The following KCNH7 variants were observed in gnomAD, a reference collection of about 807,000 sequenced individuals.
KCNH7 encodes potassium voltage-gated channel subfamily H member 7.
Under a neutral mutation model 120.8 loss-of-function variants are expected in KCNH7, and 49 were observed. That is an observed-to-expected ratio of 0.41 (90% CI 0.32 to 0.51). The LOEUF is 0.51. Ranked by LOEUF, KCNH7 falls within the 20% of genes least tolerant of loss-of-function variation. The pLI, the probability that KCNH7 is intolerant of heterozygous loss-of-function variation, is 0.38. For synonymous variants in KCNH7, 547 were observed against 516.1 expected (o/e 1.06, Z -0.81); for missense variants, 1,097 against 1,446.6 (o/e 0.76, Z 3.92).
chr2:162,766,792 T>C (rs1038070114), intron 2 of KCNH7, among the ~76,000 whole-genome samples: 1 of 151,528 alleles, frequency 6.6e-6, no homozygotes, highest in Non-Finnish European at 1.5e-5. Context: ...CTGAGCTACT[T>C]CTCCAGAGAA....
chr2:162,646,403 C>T (rs926185810), intron 2 of KCNH7, among the ~76,000 whole-genome samples: 2 of 152,126 alleles, frequency 1.3e-5, no homozygotes, highest in African/African-American at 4.8e-5. Flanking sequence ...CATTTGTTTC[C>T]ACTCCACACT....
At chr2:162,384,556 C>T (rs775313966) in intron 13 of KCNH7, 132 bp downstream of exon 13, 30 of 894,514 alleles carry the variant, frequency 3.4e-5, no homozygotes, top group African/African-American at 1.2e-4. Flanking sequence ...GAAATCTGAA[C>T]GCTTCGCGAA....
chr2:162,517,066 A>T (rs6736115), intron 4 of KCNH7, among the ~76,000 whole-genome samples: 31,815 of 151,612 alleles, frequency 0.21, 6,310 homozygotes, highest in African/African-American at 0.52. Flanking sequence ...CATGATAAAT[A>T]GTTTCTGCCA....
At chr2:162,457,585 T>A (rs1689011314) in intron 6 of KCNH7, among the ~76,000 whole-genome samples, 1 of 152,196 alleles carries the variant, frequency 6.6e-6, no homozygotes, top group Non-Finnish European at 1.5e-5. Flanking sequence ...GTGAAAATTT[T>A]GTGCGAACAC....
At chr2:162,688,229 G>T (rs1456054234) in intron 2 of KCNH7, among the ~76,000 whole-genome samples, 1 of 152,114 alleles carries the variant, frequency 6.6e-6, no homozygotes, top group Non-Finnish European at 1.5e-5. Context: ...TGTAGATATA[G>T]CTACCTCAGG....
intron 2 of KCNH7, among the ~76,000 whole-genome samples, chr2:162,807,529 T>A: frequency 6.6e-6 from 1 of 152,050 alleles, no homozygotes; most frequent in South Asian, 2.1e-4. Context: ...CTGATACAAG[T>A]TTGTGGCTTT....
chr2:162,541,043 C>T lies in KCNH7; in HGVS notation c.308-3963G>A, dbSNP rs548492824. Among the ~76,000 whole-genome samples, 13 of 152,112 alleles carry T rather than the reference C, an allele frequency of 8.5e-5. No individual in the cohort carries two copies. The South Asian group carries it at 1.9e-3, about 22-fold the overall frequency. ...GTTGACAACAAATTTGGTAGCAGAACCATTTATTAAAATGGGGAAGACTGT... is the reference window on the plus strand; with the variant it reads ...GTTGACAACAAATTTGGTAGCAGAATCATTTATTAAAATGGGGAAGACTGT... On this transcript the variant is annotated intron_variant, in intron 2 of 15. Coordinates refer to ENST00000332142, the MANE Select transcript of KCNH7 (RefSeq NM_033272.4).
Position 162,517,980 on chromosome 2 carries a change from A to T in KCNH7, c.642T>A (p.Asp214Glu). 1 of 1,612,504 alleles carries T rather than the reference A, an allele frequency of 6.2e-7. No individual in the cohort carries two copies. Among genetic ancestry groups the T allele is most frequent in the Non-Finnish European group, 8.5e-7 (1 of 1,178,924 alleles). The change falls in exon 4 of 16, where the codon GAT becomes GAA. Residue 214 changes from aspartate (D) to glutamate (E), a missense_variant. Around this residue, in one of 8 missense-constraint regions of KCNH7, gnomAD observed 362 missense variants for 372.2 expected, o/e 0.97. Transcript: ENST00000332142. The part of the protein sequence containing the change: ...TKESCSPSEA[D>E]DTKALIQPSK... Reference sequence around the variant, plus strand: ...TGGGCTGTATCAAAGCTTTTGTGTCATCTGCTTCAGAGGGGCTGCAGCTTT... The same window carrying T: ...TGGGCTGTATCAAAGCTTTTGTGTCTTCTGCTTCAGAGGGGCTGCAGCTTT...
At chr2:162,828,710 G>A (rs149280649) in intron 2 of KCNH7, among the ~76,000 whole-genome samples, 19 of 152,220 alleles carry the variant, frequency 1.2e-4, no homozygotes, top group African/African-American at 3.9e-4. Flanking sequence ...GTAAGCAAAA[G>A]CCACGTGGCT....
chr2:162,621,252 C>CT (rs35494887), intron 2 of KCNH7, among the ~76,000 whole-genome samples: 4,084 of 51,584 alleles, frequency 0.079, 631 homozygotes, highest in African/African-American at 0.1. Context: ...GTATCATCAT[C>CT]TTTTTTTTTT....
chr2:162,579,374 G>C (rs1162650991), intron 2 of KCNH7, among the ~76,000 whole-genome samples: 1 of 152,094 alleles, frequency 6.6e-6, no homozygotes, highest in East Asian at 1.9e-4. Context: ...TGTAGAGGGA[G>C]ATGCAGCACA....
chr2:162,710,563 C>T (rs941458682), intron 2 of KCNH7, among the ~76,000 whole-genome samples: 3 of 152,122 alleles, frequency 2.0e-5, no homozygotes, highest in Non-Finnish European at 2.9e-5. Context: ...GGAGAAGACA[C>T]ATTCTAATTT....
intron 2 of KCNH7, among the ~76,000 whole-genome samples, chr2:162,811,625 C>G (rs528337551): frequency 6.6e-5 from 10 of 152,180 alleles, no homozygotes; most frequent in African/African-American, 2.4e-4. Context: ...TAGGGCTATT[C>G]TCAATGAGTT....
intron 2 of KCNH7, among the ~76,000 whole-genome samples, chr2:162,563,887 G>T (rs1346167608): frequency 6.6e-6 from 1 of 152,076 alleles, no homozygotes; most frequent in Non-Finnish European, 1.5e-5. Flanking sequence ...GTACAGCAAT[G>T]ATTTATTGTG....
At chr2:162,779,074 A>G (rs1180616877) in intron 2 of KCNH7, among the ~76,000 whole-genome samples, 2 of 150,200 alleles carry the variant, frequency 1.3e-5, no homozygotes, top group African/African-American at 4.9e-5. Context: ...ATTCAGTTTA[A>G]TTTGTTTTGT....
intron 2 of KCNH7, among the ~76,000 whole-genome samples, chr2:162,752,932 AG>A (rs1688625788): frequency 8.0e-5 from 7 of 87,224 alleles, no homozygotes; most frequent in South Asian, 7.1e-4. Context: ...AGAAAAGAAA[AG>A]AAAAGAAAAG....
chr2:162,462,053 T>C (rs1036989570), intron 6 of KCNH7, among the ~76,000 whole-genome samples: 5 of 152,132 alleles, frequency 3.3e-5, no homozygotes, highest in African/African-American at 1.2e-4. Flanking sequence ...ATAAGATTCA[T>C]ATAGGAGATC....
At chr2:162,407,627 A>G (rs2105458218) in intron 9 of KCNH7, among the ~76,000 whole-genome samples, 1 of 152,106 alleles carries the variant, frequency 6.6e-6, no homozygotes, top group Non-Finnish European at 1.5e-5. Flanking sequence ...CTTGGAACCC[A>G]TTAAGGTTTC....
chr2:162,754,439 G>A (rs1309849425), intron 2 of KCNH7, among the ~76,000 whole-genome samples: 1 of 152,076 alleles, frequency 6.6e-6, no homozygotes, highest in African/African-American at 2.4e-5. Flanking sequence ...TAATGAATGA[G>A]CCAGCAAAAG....
Sources: gnomAD v4.1 joint callset for allele counts (sites outside exome capture counted in the v4.1 genomes callset) on GRCh38, gnomAD v4.1.1 for gene constraint, gnomAD v4.1.1 regional missense constraint, MANE v1.5 for transcripts, NCBI Gene and HGNC (gene_info 2026-07-23, HGNC 2026-07-21) for gene names.